The following SLC13A2 variants were observed in gnomAD, a reference collection of about 807,000 sequenced individuals.
The protein encoded by SLC13A2 is Na(+)-coupled citrate transporter.
Under a neutral mutation model 58.5 loss-of-function variants are expected in SLC13A2, and 40 were observed. The observed-to-expected ratio is 0.68, with a 90% CI of 0.53 to 0.89. The LOEUF is 0.89. Among genes scored for constraint, SLC13A2 ranks in the 40% least tolerant of loss-of-function variants. The pLI, the probability that SLC13A2 is intolerant of heterozygous loss-of-function variation, is 0.00. For missense variants in SLC13A2, 694 were observed against 772.6 expected, an observed-to-expected ratio of 0.90 and a Z score of 1.21; for synonymous variants, 341 against 331.6, an observed-to-expected ratio of 1.03 and a Z score of -0.31.
intron 1 of SLC13A2, among the ~76,000 whole-genome samples, chr17:28,478,826 A>G (rs2068734758): frequency 6.6e-6 from 1 of 152,186 alleles, no homozygotes; most frequent in South Asian, 2.1e-4. Flanking sequence ...TGTGACAAGT[A>G]CTGTTTGGGT....
intron 1 of SLC13A2, 132 bp downstream of exon 1, chr17:28,473,946 C>G (rs2068629019): frequency 1.4e-6 from 1 of 725,230 alleles, no homozygotes; most frequent in African/African-American, 1.8e-5. Context: ...GGCTATCGCC[C>G]CCTGCTCCTC....
chr17:28,496,955 C>A lies in SLC13A2; in HGVS notation c.1609-144C>A. Reference sequence around the variant, plus strand: ...GTAAAGCAAGGGGCAAAGGCATTGGCTATGCTGCAGGTTAGACCAACGGGA... The same window carrying A: ...GTAAAGCAAGGGGCAAAGGCATTGGATATGCTGCAGGTTAGACCAACGGGA... On this transcript the variant is annotated intron_variant, in intron 11 of 11. Coordinates refer to ENST00000314669, the MANE Select transcript of SLC13A2 (RefSeq NM_003984.4). The surrounding 1 kb of genome is among the most constrained non-coding windows in gnomAD (Gnocchi z 4.2). The A allele has an allele frequency of 1.3e-6, 1 of 796,118 alleles. No individual in the cohort carries two copies. Among genetic ancestry groups the A allele is most frequent in the Non-Finnish European group, 2.0e-6 (1 of 493,634 alleles). 49.3% of individuals were successfully genotyped at this position (796,118 alleles called of 1,614,324 possible).
In SLC13A2 at chr17:28,497,581, C is replaced by T; in HGVS notation, c.*312C>T. ...TCCTAGGTATGTATGTTGGACAGTGCACACGTGTGTGTTCACAGACAATAC... is the reference window on the plus strand; with the variant it reads ...TCCTAGGTATGTATGTTGGACAGTGTACACGTGTGTGTTCACAGACAATAC... On this transcript the variant is annotated 3_prime_UTR_variant, in exon 12 of 12. Transcript: ENST00000314669. The T allele has an allele frequency of 2.9e-6, 1 of 340,190 alleles. No individual in the cohort carries two copies. The allele number at this position is 340,190 out of a possible 1,614,324, so 21.1% of individuals were successfully genotyped here.
chr17:28,491,130 G>T (rs1012750584), intron 4 of SLC13A2, among the ~76,000 whole-genome samples: 2 of 152,212 alleles, frequency 1.3e-5, no homozygotes, highest in Non-Finnish European at 2.9e-5. Flanking sequence ...GGTCACCATA[G>T]CAAGAAGAGA....
chr17:28,476,182 C>T (rs2068666926), intron 1 of SLC13A2, among the ~76,000 whole-genome samples: 1 of 152,154 alleles, frequency 6.6e-6, no homozygotes, highest in African/African-American at 2.4e-5. Context: ...AGGTCCTGCT[C>T]ATTTGATACC....
Position 28,490,735 on chromosome 17 carries a change from C to T in SLC13A2, c.403C>T (p.Leu135=), listed in dbSNP as rs1385278312. ...ILGFMLVTAF[L]SMWISNTATS... is the part of the protein sequence containing the mutation. ...GGGCTTCATGCTGGTCACGGCCTTC[C>T]TGTCCATGTGGATCAGCAACACGGC... is the stretch of plus-strand genomic sequence containing the variant. The change falls in exon 4 of 12, where the codon CTG becomes TTG. Residue 135 remains leucine, a synonymous_variant. Transcript: ENST00000314669. 2 of 1,614,140 alleles carry T rather than the reference C, an allele frequency of 1.2e-6. No homozygotes were observed. Among genetic ancestry groups the T allele is most frequent in the South Asian group, 1.1e-5 (1 of 91,070 alleles).
At chr17:28,478,655 G>A (rs1029610227) in intron 1 of SLC13A2, among the ~76,000 whole-genome samples, 46 of 152,180 alleles carry the variant, frequency 3.0e-4, no homozygotes, top group African/African-American at 1.1e-3. Context: ...ACAGAACCTT[G>A]AAATGCTAGT....
At position 28,473,788 on chromosome 17, in the gene SLC13A2, CCT is replaced by C; in HGVS notation, c.79_80del (p.Leu27AlafsTer7). ...IVFFVPILLLPLPILVPSKEA... is the reference protein window; with the variant it reads ...IVFFVPILLLXLPILVPSKEA... ...GTTCTTCGTGCCCATTCTCCTGCTG[CCT>C]CTGCCCATCCTCGTCCCCAGTAAGG... On this transcript the variant is annotated frameshift_variant, in exon 1 of 12. Coordinates refer to ENST00000314669, the MANE Select transcript of SLC13A2 (RefSeq NM_003984.4). LOFTEE classifies it high-confidence loss of function. 2 of 1,614,102 alleles carry C rather than the reference CCT, an allele frequency of 1.2e-6. No homozygotes were observed. The highest frequency in any genetic ancestry group is 1.7e-6 in the Non-Finnish European group (2 of 1,180,006).
chr17:28,475,132 A>T (rs894571934), intron 1 of SLC13A2, among the ~76,000 whole-genome samples: 5 of 152,362 alleles, frequency 3.3e-5, no homozygotes, highest in Middle Eastern at 3.4e-3. Context: ...GGGAAGCCAG[A>T]CAGGGATTTT....
In SLC13A2 at chr17:28,496,456, GC is replaced by G; in HGVS notation, c.1479del (p.Ile494SerfsTer56). ...CCACTGCCTCCCACTCCAGGCCCAG[GC>G]CATCTGCCTCCACCCTCTCTACGTC... ...FLPILASMAQ[A>X]ICLHPLYVML... On this transcript the variant is annotated frameshift_variant, in exon 11 of 12. Coordinates refer to ENST00000314669, the MANE Select transcript of SLC13A2 (RefSeq NM_003984.4). LOFTEE classifies it high-confidence loss of function. The surrounding 1 kb of genome is among the most constrained non-coding windows in gnomAD (Gnocchi z 4.2). The G allele has an allele frequency of 6.2e-7, 1 of 1,602,926 alleles. No individual in the cohort carries two copies. Among genetic ancestry groups the G allele is most frequent in the Non-Finnish European group, 8.5e-7 (1 of 1,172,404 alleles).
Position 28,489,310 on chromosome 17 carries a change from T to C in SLC13A2, c.199T>C (p.Phe67Leu). 6.2e-7 allele frequency: 1 copy of C among 1,613,656 alleles called. No individual in the cohort carries two copies. The highest frequency in any genetic ancestry group is 8.5e-7 in the Non-Finnish European group (1 of 1,179,884). The change falls in exon 2 of 12, where the codon TTC becomes CTC. Residue 67 changes from phenylalanine (F) to leucine (L), a missense_variant. Transcript: ENST00000314669. The part of the protein sequence containing the change: ...AVTALFPLIL[F>L]PMMGIVDASE... ...CACTGCCCTCTTCCCCTTAATCCTGTTCCCTATGATGGGCATCGTGGATGC... is the reference window on the plus strand; with the variant it reads ...CACTGCCCTCTTCCCCTTAATCCTGCTCCCTATGATGGGCATCGTGGATGC...
chr17:28,477,707 A>G (rs1408004701), intron 1 of SLC13A2, among the ~76,000 whole-genome samples: 1 of 152,350 alleles, frequency 6.6e-6, no homozygotes, highest in South Asian at 2.1e-4. Context: ...TGTGCTTGAC[A>G]TTATGCCATG....
chr17:28,497,019 T>A, intron 11 of SLC13A2, 80 bp from the exon 12 acceptor site: 1 of 1,475,734 alleles, frequency 6.8e-7, no homozygotes, highest in African/African-American at 1.4e-5. Context: ...GGAGGGCTCC[T>A]GTGCACCCCC....
chr17:28,482,958 C>T (rs1420681277), intron 1 of SLC13A2, among the ~76,000 whole-genome samples: 3 of 152,212 alleles, frequency 2.0e-5, no homozygotes, highest in Admixed American at 1.3e-4. Context: ...TCCTGAGACC[C>T]GGGAGTGCTC....
Position 28,496,458 on chromosome 17 carries a change from C to T in SLC13A2, c.1479C>T (p.Ala493=), listed in dbSNP as rs767922830. 2.5e-6 allele frequency: 4 copies of T among 1,603,200 alleles called. No homozygotes were observed. Among genetic ancestry groups the T allele is most frequent in the Non-Finnish European group, 2.6e-6 (3 of 1,172,694 alleles). ...FLPILASMAQ[A]ICLHPLYVML... Reference sequence around the variant, plus strand: ...ACTGCCTCCCACTCCAGGCCCAGGCCATCTGCCTCCACCCTCTCTACGTCA... The same window carrying T: ...ACTGCCTCCCACTCCAGGCCCAGGCTATCTGCCTCCACCCTCTCTACGTCA... Residue 493 remains alanine (A), a synonymous_variant, in exon 11 of 12, where the codon GCC becomes GCT. Coordinates refer to ENST00000314669, the MANE Select transcript of SLC13A2 (RefSeq NM_003984.4). This position sits in a 1 kb window ranked among gnomAD's most constrained non-coding sequence, Gnocchi z 4.2.
At chr17:28,479,940 G>A (rs1236641978) in intron 1 of SLC13A2, among the ~76,000 whole-genome samples, 2 of 152,040 alleles carry the variant, frequency 1.3e-5, no homozygotes, top group Non-Finnish European at 2.9e-5. Flanking sequence ...GGATCACCTG[G>A]AGTCAGGAGT....
chr17:28,477,166 A>G (rs1401844399), intron 1 of SLC13A2, among the ~76,000 whole-genome samples: 1 of 151,396 alleles, frequency 6.6e-6, no homozygotes. Flanking sequence ...TCTCAAAAAA[A>G]ACAAATAAAA....
chr17:28,482,973 C>T (rs1468686431), intron 1 of SLC13A2, among the ~76,000 whole-genome samples: 5 of 152,198 alleles, frequency 3.3e-5, no homozygotes, highest in Admixed American at 6.5e-5. Flanking sequence ...GTGCTCCTGC[C>T]GGCAGCATGT....
rs1349122634 is a variant in SLC13A2 at position 28,496,306 on chromosome 17, T to C, written c.1471-144T>C. 1.0e-5 allele frequency: 11 copies of C among 1,104,472 alleles called. No homozygotes were observed. The highest frequency in any genetic ancestry group is 1.6e-5 in the African/African-American group (1 of 62,724). 68.4% of individuals were successfully genotyped at this position (1,104,472 alleles called of 1,614,324 possible). On this transcript the variant is annotated intron_variant, in intron 10 of 11. Coordinates refer to ENST00000314669, the MANE Select transcript of SLC13A2 (RefSeq NM_003984.4). This position sits in a 1 kb window ranked among gnomAD's most constrained non-coding sequence, Gnocchi z 4.2. ...GGCCCTTCCAGGTCACCCAGTGCCT[T>C]CTGGGAGAAGAGGTGGGCTCATGAC...
Sources: allele counts gnomAD v4.1 joint callset (sites outside exome capture counted in the v4.1 genomes callset), GRCh38; gene constraint gnomAD v4.1.1; non-coding constraint Gnocchi (gnomAD v3.1); transcripts MANE v1.5; gene names NCBI Gene and HGNC (gene_info 2026-07-23, HGNC 2026-07-21).